The following RAP1GAP2 variants were observed in gnomAD, a reference collection of about 807,000 sequenced individuals.
RAP1GAP2 encodes RAP1 GTPase activating protein 2.
In RAP1GAP2, 27 loss-of-function variants were observed where a neutral mutation model predicts 95.0. That is an observed-to-expected ratio of 0.28 (90% CI 0.21 to 0.39). RAP1GAP2 has a LOEUF of 0.39. Ranked by LOEUF, RAP1GAP2 falls within the 10% of genes least tolerant of loss-of-function variation. The pLI, the probability that RAP1GAP2 is intolerant of heterozygous loss-of-function variation, is 1.00. For missense variants in RAP1GAP2, 771 were observed against 970.0 expected, an observed-to-expected ratio of 0.79 and a Z score of 2.72; for synonymous variants, 373 against 380.9, an observed-to-expected ratio of 0.98 and a Z score of 0.24.
At chr17:2,989,138 C>G (rs962743796) in intron 11 of RAP1GAP2, among the ~76,000 whole-genome samples, 1 of 152,084 alleles carries the variant, frequency 6.6e-6, no homozygotes, top group Non-Finnish European at 1.5e-5. Flanking sequence ...TTCTCACCAG[C>G]AGTGTATGAG....
chr17:3,013,405 C>T (rs1310949132), intron 17 of RAP1GAP2, among the ~76,000 whole-genome samples: 1 of 152,144 alleles, frequency 6.6e-6, no homozygotes, highest in African/African-American at 2.4e-5. Context: ...TGTGCTTGGC[C>T]CTGCTCCACT....
At chr17:2,882,294 T>A (rs1344216773) in intron 2 of RAP1GAP2, among the ~76,000 whole-genome samples, 5 of 83,070 alleles carry the variant, frequency 6.0e-5, no homozygotes, top group Admixed American at 4.9e-4. Context: ...GCCCAGCTAA[T>A]TTTTTTTTTT....
intron 2 of RAP1GAP2, among the ~76,000 whole-genome samples, chr17:2,811,366 T>G (rs2069763577): frequency 6.6e-6 from 1 of 152,050 alleles, no homozygotes; most frequent in South Asian, 2.1e-4. Flanking sequence ...AACACAGAGG[T>G]GGTCAGGGCA....
At chr17:3,016,688 G>C (rs1261467629) in intron 17 of RAP1GAP2, among the ~76,000 whole-genome samples, 1 of 152,154 alleles carries the variant, frequency 6.6e-6, no homozygotes, top group Non-Finnish European at 1.5e-5. Flanking sequence ...GTTATTAACC[G>C]TAAGAGTAGC....
intron 3 of RAP1GAP2, among the ~76,000 whole-genome samples, chr17:2,929,242 A>G (rs922146361): frequency 3.9e-5 from 6 of 152,164 alleles, no homozygotes; most frequent in African/African-American, 1.4e-4. Context: ...CAAGAAAAAA[A>G]TAAAAGGCAG....
intron 2 of RAP1GAP2, among the ~76,000 whole-genome samples, chr17:2,830,296 T>G (rs1037702674): frequency 1.3e-5 from 2 of 151,602 alleles, no homozygotes; most frequent in African/African-American, 4.9e-5. Context: ...TGCCTGTAAT[T>G]CGAGCTACTC....
At chr17:2,772,320 T>A (rs1021596117), upstream of RAP1GAP2, among the ~76,000 whole-genome samples, 1 of 152,142 alleles carries the variant, frequency 6.6e-6, no homozygotes, top group Non-Finnish European at 1.5e-5. Flanking sequence ...AGACAGGGTC[T>A]CACTCTGTCA....
chr17:3,026,557 T>C (rs1042432055), intron 21 of RAP1GAP2, 93 bp downstream of exon 21: 1 of 1,067,598 alleles, frequency 9.4e-7, no homozygotes, highest in Non-Finnish European at 1.3e-6. Flanking sequence ...TCGAAGCCCA[T>C]GTCAGTCTTT....
At position 3,027,198 on chromosome 17, in the gene RAP1GAP2, C is replaced by T. The variant is rs540819990; in HGVS notation, c.2107+128C>T. On this transcript the variant is annotated intron_variant, in intron 22 of 24. Transcript: ENST00000254695. The surrounding 1 kb of genome is among the most constrained non-coding windows in gnomAD (Gnocchi z 5.2). ...CCCTCCTCCCAGCTGTGAGGCCCTC[C>T]GCTCTGTGCGCCCGCCTCTTCTGTT... The T allele has an allele frequency of 3.0e-5, 35 of 1,179,202 alleles. No individual in the cohort carries two copies. The highest frequency in any genetic ancestry group is 1.1e-4 in the East Asian group (4 of 35,984). The allele number at this position is 1,179,202 out of a possible 1,614,324, so 73.0% of individuals were successfully genotyped here.
intron 2 of RAP1GAP2, among the ~76,000 whole-genome samples, chr17:2,846,251 T>C (rs565970115): frequency 6.6e-6 from 1 of 152,254 alleles, no homozygotes; most frequent in South Asian, 2.1e-4. Flanking sequence ...TTTTTTGGTG[T>C]CTGGCTTCTT....
chr17:2,813,605 T>C (rs1435197961), intron 2 of RAP1GAP2, among the ~76,000 whole-genome samples: 2 of 152,174 alleles, frequency 1.3e-5, no homozygotes, highest in African/African-American at 4.8e-5. Flanking sequence ...TTGTAGGGTG[T>C]TGCGCAGCCT....
intron 3 of RAP1GAP2, among the ~76,000 whole-genome samples, chr17:2,941,368 G>C (rs376687500): frequency 6.6e-6 from 1 of 152,016 alleles, no homozygotes. Flanking sequence ...AGATTGTGCC[G>C]TTGCACTCCA....
intron 2 of RAP1GAP2, among the ~76,000 whole-genome samples, chr17:2,893,035 CT>C (rs894715955): frequency 3.3e-5 from 5 of 149,310 alleles, no homozygotes; most frequent in African/African-American, 7.4e-5. Flanking sequence ...TTTCTTTTTT[CT>C]TTTTTTTTGA....
In RAP1GAP2 at chr17:3,035,178, A is replaced by G. The variant is rs531466990; in HGVS notation, c.*1817A>G. 1 of 152,596 alleles carries G rather than the reference A, an allele frequency of 6.6e-6. No individual in the cohort carries two copies. Among genetic ancestry groups the G allele is most frequent in the South Asian group, 2.1e-4 (1 of 4,824 alleles). 9.5% of individuals were successfully genotyped at this position (152,596 alleles called of 1,614,324 possible). ...ATTTATTCTTGTTAGAAGGTCAACAAAATATCTGTTTAGCTTTTATGAAGA... is the reference window on the plus strand; with the variant it reads ...ATTTATTCTTGTTAGAAGGTCAACAGAATATCTGTTTAGCTTTTATGAAGA... On this transcript the variant is annotated 3_prime_UTR_variant, in exon 25 of 25. Transcript: ENST00000254695. This position sits in a 1 kb window ranked among gnomAD's most constrained non-coding sequence, Gnocchi z 4.3.
At chr17:2,874,074 C>A (rs953659381) in intron 2 of RAP1GAP2, among the ~76,000 whole-genome samples, 2 of 152,194 alleles carry the variant, frequency 1.3e-5, no homozygotes, top group Non-Finnish European at 2.9e-5. Context: ...CTGCACCTGG[C>A]CTGGCTTTCT....
At chr17:2,840,592 T>C (rs1032097385) in intron 2 of RAP1GAP2, among the ~76,000 whole-genome samples, 3 of 152,218 alleles carry the variant, frequency 2.0e-5, no homozygotes, top group African/African-American at 7.2e-5. Flanking sequence ...CAACTTGATC[T>C]CCTGCCTTAG....
chr17:2,901,830 C>G (rs530614478), intron 2 of RAP1GAP2, among the ~76,000 whole-genome samples: 2 of 152,028 alleles, frequency 1.3e-5, no homozygotes, highest in African/African-American at 4.8e-5. Context: ...TGGGGCAGGA[C>G]AAGGCTGAGC....
At chr17:2,964,247 G>T (rs1242248466) in intron 7 of RAP1GAP2, among the ~76,000 whole-genome samples, 179 bp downstream of exon 7, 3 of 112,584 alleles carry the variant, frequency 2.7e-5, no homozygotes, top group Admixed American at 2.6e-4. Context: ...AGGAGCTGCC[G>T]GGGATGGGGG....
At chr17:2,769,934 G>A (rs1248381805) in intron 1 of RAP1GAP2, among the ~76,000 whole-genome samples, 3 of 151,974 alleles carry the variant, frequency 2.0e-5, no homozygotes, top group Admixed American at 6.6e-5. Flanking sequence ...TTAGCGAGGC[G>A]TGGTGGTGGG....
Sources: gnomAD v4.1 joint callset for allele counts (sites outside exome capture counted in the v4.1 genomes callset) on GRCh38, gnomAD v4.1.1 for gene constraint, Gnocchi (gnomAD v3.1) non-coding constraint, MANE v1.5 for transcripts, NCBI Gene and HGNC (gene_info 2026-07-23, HGNC 2026-07-21) for gene names.